Variants in MYBPC1 observed in about 807,000 individuals in gnomAD.
The protein encoded by MYBPC1 is myosin-binding protein C, slow-type.
A neutral mutation model predicts 147.1 loss-of-function variants in MYBPC1; 52 were observed. The observed-to-expected ratio is 0.35, with a 90% CI of 0.28 to 0.45. MYBPC1 has a LOEUF of 0.45. Among genes scored for constraint, MYBPC1 ranks in the 20% least tolerant of loss-of-function variants. The pLI is 1.00. For missense variants in MYBPC1, 1,228 were observed against 1,440.3 expected (o/e 0.85, Z 2.39); for synonymous variants, 477 against 475.9 (o/e 1.00, Z -0.03).
At chr12:101,615,008 G>GAAA (rs1885511727) in intron 2 of MYBPC1, 1 of 214,208 alleles carries the variant, frequency 4.7e-6, no homozygotes. Flanking sequence ...CTCCCTAGCA[G>GAAA]CTATCCAGAA....
At chr12:101,668,932 C>T (rs1898010681) in intron 23 of MYBPC1, among the ~76,000 whole-genome samples, 1 of 151,924 alleles carries the variant, frequency 6.6e-6, no homozygotes, top group Admixed American at 6.6e-5. Context: ...ACTAAAAATA[C>T]AAAAATTTGC....
chr12:101,624,755 C>A (rs1337490497), intron 3 of MYBPC1, among the ~76,000 whole-genome samples: 1 of 110,636 alleles, frequency 9.0e-6, no homozygotes, highest in Non-Finnish European at 1.7e-5. Flanking sequence ...CACAAATATT[C>A]TAGTATTTTA....
intron 27 of MYBPC1, 130 bp from the exon 28 acceptor site, chr12:101,677,972 C>A: frequency 1.7e-6 from 2 of 1,145,494 alleles, no homozygotes; most frequent in Non-Finnish European, 1.3e-6. Flanking sequence ...TGCCACATGG[C>A]ATTTGCTCAT....
In MYBPC1 at chr12:101,632,156, C is replaced by A; in HGVS notation, c.556+18C>A. 6.5e-7 allele frequency: 1 copy of A among 1,534,068 alleles called. No homozygotes were observed. The highest frequency in any genetic ancestry group is 9.0e-7 in the Non-Finnish European group (1 of 1,107,250). On this transcript the variant is annotated intron_variant, in intron 8 of 31. Coordinates refer to ENST00000361466, the MANE Select transcript of MYBPC1 (RefSeq NM_002465.4). Reference sequence around the variant, plus strand: ...AGTGCACGGTAAGAGAGCCTTCTTGCCTAGATAAATGTAATTTTTTAATGG... The same window carrying A: ...AGTGCACGGTAAGAGAGCCTTCTTGACTAGATAAATGTAATTTTTTAATGG...
At chr12:101,658,023 C>T (rs1386893209) in intron 18 of MYBPC1, among the ~76,000 whole-genome samples, 1 of 150,924 alleles carries the variant, frequency 6.6e-6, no homozygotes. Flanking sequence ...CCCAGCTAGT[C>T]GGGAGGCTGA....
intron 5 of MYBPC1, 22 bp downstream of exon 5, chr12:101,627,826 G>T (rs199533849): frequency 2.3e-4 from 373 of 1,609,920 alleles, no homozygotes; most frequent in Non-Finnish European, 2.9e-4. Flanking sequence ...CCCAGAGAAG[G>T]CATCCTGACC....
At chr12:101,671,972 G>C (rs934913503) in intron 24 of MYBPC1, among the ~76,000 whole-genome samples, 2 of 152,154 alleles carry the variant, frequency 1.3e-5, no homozygotes, top group African/African-American at 4.8e-5. Context: ...TGCTTGAGAA[G>C]GGAAGAAACT....
At chr12:101,603,751 A>G (rs10778128) in intron 1 of MYBPC1, among the ~76,000 whole-genome samples, 43,241 of 152,070 alleles carry the variant, frequency 0.28, 8,469 homozygotes, top group African/African-American at 0.56. Context: ...AGACCAGCCC[A>G]AGCAACATGG....
At chr12:101,599,241 T>A (rs1006510121) in intron 1 of MYBPC1, among the ~76,000 whole-genome samples, 1 of 152,240 alleles carries the variant, frequency 6.6e-6, no homozygotes, top group African/African-American at 2.4e-5. Flanking sequence ...CATACAATAT[T>A]CATCTTATCC....
At chr12:101,694,993 G>A in the MYBPC1 span, among the ~76,000 whole-genome samples, 7 of 152,180 alleles carry the variant, frequency 4.6e-5, no homozygotes, top group Middle Eastern at 3.2e-3. Flanking sequence ...TAGGATACAT[G>A]TGCAAGAATT....
intron 11 of MYBPC1, among the ~76,000 whole-genome samples, chr12:101,644,420 T>C (rs1326826873): frequency 1.3e-5 from 2 of 152,234 alleles, no homozygotes; most frequent in Non-Finnish European, 2.9e-5. Flanking sequence ...TAAAGCTTCT[T>C]CAATGATTCT....
intron 4 of MYBPC1, among the ~76,000 whole-genome samples, chr12:101,627,552 T>A (rs541191181): frequency 1.3e-5 from 2 of 152,286 alleles, no homozygotes; most frequent in Admixed American, 1.3e-4. Context: ...TGGGATTTTT[T>A]AATTTTTCTA....
Position 101,599,840 on chromosome 12 carries a change from C to T in MYBPC1, c.25+4745C>T, listed in dbSNP as rs1879120066. Among the ~76,000 whole-genome samples, 4 of 152,094 alleles carry T rather than the reference C, an allele frequency of 2.6e-5. 1 individual carries two copies. In the South Asian group the frequency reaches 8.3e-4, roughly 32 times the overall value. On this transcript the variant is annotated intron_variant, in intron 1 of 31. Coordinates refer to ENST00000361466, the MANE Select transcript of MYBPC1 (RefSeq NM_002465.4). ...ATTTTTTCCTCCTGAGAAAAACCAC[C>T]ATGCTGTGCTGGAGATTCATGGCAT... is the stretch of plus-strand genomic sequence containing the variant.
At chr12:101,606,955 G>C (rs1269654815) in intron 1 of MYBPC1, among the ~76,000 whole-genome samples, 2 of 152,032 alleles carry the variant, frequency 1.3e-5, no homozygotes, top group Non-Finnish European at 2.9e-5. Context: ...CTCCAAAGTA[G>C]CTGGGACCAC....
At chr12:101,686,799 G>C (rs1416994882), downstream of MYBPC1, among the ~76,000 whole-genome samples, 1 of 152,110 alleles carries the variant, frequency 6.6e-6, no homozygotes, top group Non-Finnish European at 1.5e-5. Context: ...GATCTGGGTT[G>C]ATGTTGGGCT....
rs1268710551 is a variant in MYBPC1, at chr12:101,677,425, C to A, written c.3109+31C>A. The A allele has an allele frequency of 1.9e-6, 3 of 1,612,718 alleles. No homozygotes were observed. The African/African-American group carries it at 4.0e-5, about 22-fold the overall frequency. ...TTGGGAATGGACTGACATTTGAAAA[C>A]CTTGGTTGACAGTGACCAGACAGAG... is the stretch of plus-strand genomic sequence containing the variant. On this transcript the variant is annotated intron_variant, in intron 27 of 31. Coordinates refer to ENST00000361466, the MANE Select transcript of MYBPC1 (RefSeq NM_002465.4).
At chr12:101,605,058 A>T (rs1342247865) in intron 1 of MYBPC1, among the ~76,000 whole-genome samples, 1 of 152,198 alleles carries the variant, frequency 6.6e-6, no homozygotes, top group African/African-American at 2.4e-5. Context: ...TTCTTCCATG[A>T]GGAAAACACA....
At chr12:101,683,773 A>T (rs1262375438) in intron 30 of MYBPC1, among the ~76,000 whole-genome samples, 1 of 152,178 alleles carries the variant, frequency 6.6e-6, no homozygotes, top group Non-Finnish European at 1.5e-5. Context: ...TCCAGAGATA[A>T]TAACAGCTTT....
chr12:101,658,737 GGC>G (rs1896029123), intron 18 of MYBPC1, among the ~76,000 whole-genome samples: 1 of 152,142 alleles, frequency 6.6e-6, no homozygotes, highest in African/African-American at 2.4e-5. Context: ...ATTAGAATTT[GGC>G]TGATATGAGG....
Sources: gnomAD v4.1 joint callset for allele counts (sites outside exome capture counted in the v4.1 genomes callset) on GRCh38, gnomAD v4.1.1 for gene constraint, MANE v1.5 for transcripts, NCBI Gene and HGNC (gene_info 2026-07-23, HGNC 2026-07-21) for gene names.